Variants in SMCP observed in about 807,000 individuals in gnomAD.
The protein encoded by SMCP is sperm mitochondria associated cysteine rich protein, also known as sperm mitochondrial-associated cysteine-rich protein.
For synonymous variants in SMCP, 41 were observed against 46.9 expected (o/e 0.87, Z 0.51); for missense variants, 137 against 137.1 (o/e 1.00, Z 0.01).
intron 1 of SMCP, among the ~76,000 whole-genome samples, 170 bp downstream of exon 1, chr1:152,878,616 T>G (rs1386927337): frequency 1.3e-5 from 2 of 152,180 alleles, no homozygotes; most frequent in Non-Finnish European, 1.5e-5. Flanking sequence ...TGCTTCTATT[T>G]AAGAGGAAGA....
intron 1 of SMCP, among the ~76,000 whole-genome samples, chr1:152,883,817 A>G (rs1328996119): frequency 1.3e-5 from 2 of 152,194 alleles, no homozygotes; most frequent in African/African-American, 4.8e-5. Context: ...TGCTCCGTGC[A>G]TGGGACAAAA....
rs1450799365 is a variant in SMCP at position 152,884,550 on chromosome 1, G to T, written c.128G>T (p.Cys43Phe). The part of the protein sequence containing the change: ...QCCPPKQNQC[C>F]QPKGSQCCPP... ...TGCCCACCAAAACAGAACCAGTGCT[G>T]CCAGCCAAAAGGCAGTCAATGCTGC... The change falls in exon 2 of 2, where the codon TGC becomes TTC. Residue 43 changes from cysteine to phenylalanine, a missense_variant. Transcript: ENST00000368765. 6.2e-7 allele frequency: 1 copy of T among 1,614,050 alleles called. No homozygotes were observed. The highest frequency in any genetic ancestry group is 8.5e-7 in the Non-Finnish European group (1 of 1,180,004).
chr1:152,884,851 C>A lies in SMCP; in HGVS notation c.*78C>A. The A allele has an allele frequency of 1.6e-6, 2 of 1,277,654 alleles. No homozygotes were observed. Among genetic ancestry groups the A allele is most frequent in the Non-Finnish European group, 2.2e-6 (2 of 912,384 alleles). 79.1% of individuals were successfully genotyped at this position (1,277,654 alleles called of 1,614,324 possible). On this transcript the variant is annotated 3_prime_UTR_variant, in exon 2 of 2. Coordinates refer to ENST00000368765, the MANE Select transcript of SMCP (RefSeq NM_030663.3). ...TGTAGGGTGGGGGATTACTGAGAGT[C>A]AGGCTAGACCTGTGTTTAGAGAAGC...
At position 152,884,466 on chromosome 1, in the gene SMCP, G is replaced by A. The variant is rs1412639570; in HGVS notation, c.44G>A (p.Gly15Asp). 6.8e-6 allele frequency: 11 copies of A among 1,613,828 alleles called. No individual in the cohort carries two copies. The highest frequency in any genetic ancestry group is 2.7e-5 in the African/African-American group (2 of 74,884). The change falls in exon 2 of 2, where the codon GGC becomes GAC. Residue 15 changes from glycine to aspartate, a missense_variant. Gly to Asp is a moderately conservative substitution (Grantham distance 94, BLOSUM62 -1). Transcript: ENST00000368765. Reference protein sequence around the residue: ...TKHSKCCPAKGNQCCPPQQNQ... With the variant: ...TKHSKCCPAKDNQCCPPQQNQ... ...CACAGTAAATGCTGCCCAGCAAAAG[G>A]CAATCAATGCTGCCCACCACAGCAG...
chr1:152,879,491 G>A (rs1201144496), intron 1 of SMCP, among the ~76,000 whole-genome samples: 2 of 152,146 alleles, frequency 1.3e-5, no homozygotes, highest in East Asian at 1.9e-4. Context: ...AAAGCGCTGG[G>A]ACAACAGGTG....
intron 1 of SMCP, among the ~76,000 whole-genome samples, chr1:152,880,465 C>T (rs913403242): frequency 1.3e-5 from 2 of 152,176 alleles, no homozygotes; most frequent in African/African-American, 2.4e-5. Flanking sequence ...TATTTTTATA[C>T]TGGTCTGTCT....
chr1:152,879,198 G>T (rs957956751), intron 1 of SMCP, among the ~76,000 whole-genome samples: 6 of 152,098 alleles, frequency 3.9e-5, no homozygotes, highest in Non-Finnish European at 8.8e-5. Context: ...AGCTTGGAGA[G>T]AATATTTATT....
At chr1:152,879,441 A>C (rs1485914794) in intron 1 of SMCP, among the ~76,000 whole-genome samples, 2 of 152,128 alleles carry the variant, frequency 1.3e-5, no homozygotes, top group Non-Finnish European at 2.9e-5. Flanking sequence ...GGCTGGTCTC[A>C]AACTCCTGAC....
At chr1:152,881,838 C>A (rs1296945945) in intron 1 of SMCP, among the ~76,000 whole-genome samples, 9 of 152,140 alleles carry the variant, frequency 5.9e-5, no homozygotes, top group Admixed American at 1.3e-4. Context: ...ACCTTCTTCA[C>A]ATAGTGGTGG....
chr1:152,884,501 T>C lies in SMCP; in HGVS notation c.79T>C (p.Cys27Arg), dbSNP rs141605975. The change falls in exon 2 of 2, where the codon TGC becomes CGC. Residue 27 changes from cysteine (C) to arginine (R), a missense_variant. Transcript: ENST00000368765. Reference protein sequence around the residue: ...QCCPPQQNQCCQSKGNQCCPP... With the variant: ...QCCPPQQNQCRQSKGNQCCPP... Reference sequence around the variant, plus strand: ...CTGCCCACCACAGCAGAACCAGTGCTGCCAGTCAAAAGGCAATCAATGCTG... The same window carrying C: ...CTGCCCACCACAGCAGAACCAGTGCCGCCAGTCAAAAGGCAATCAATGCTG... 2.1e-5 allele frequency: 34 copies of C among 1,613,838 alleles called. No homozygotes were observed. Among genetic ancestry groups the C allele is most frequent in the Non-Finnish European group, 2.6e-5 (31 of 1,179,912 alleles).
Position 152,884,802 on chromosome 1 carries a change from T to C in SMCP, c.*29T>C, listed in dbSNP as rs1553209426. The C allele has an allele frequency of 6.3e-7, 1 of 1,585,472 alleles. No individual in the cohort carries two copies. Among genetic ancestry groups the C allele is most frequent in the Non-Finnish European group, 8.6e-7 (1 of 1,157,302 alleles). ...CAGAAGAAGTCAAACAAAGAAGAAG[T>C]CCCTGGGGCCATGCCTTTCACTTTG... On this transcript the variant is annotated 3_prime_UTR_variant, in exon 2 of 2. Transcript: ENST00000368765.
intron 1 of SMCP, among the ~76,000 whole-genome samples, chr1:152,880,420 A>G (rs767738293): frequency 7.2e-5 from 11 of 152,186 alleles, no homozygotes; most frequent in Admixed American, 5.2e-4. Flanking sequence ...CAAAGGTGGT[A>G]GAGAACATGG....
In SMCP at chr1:152,884,823, C is replaced by T; in HGVS notation, c.*50C>T. 2 of 1,516,380 alleles carry T rather than the reference C, an allele frequency of 1.3e-6. No homozygotes were observed. Among genetic ancestry groups the T allele is most frequent in the South Asian group, 1.2e-5 (1 of 84,166 alleles). 93.9% of individuals were successfully genotyped at this position (1,516,380 alleles called of 1,614,324 possible). A position where few individuals can be genotyped will look rare whatever the true frequency, so the allele number is the denominator to read the frequency against. On this transcript the variant is annotated 3_prime_UTR_variant, in exon 2 of 2. Coordinates refer to ENST00000368765, the MANE Select transcript of SMCP (RefSeq NM_030663.3). ...GAAGTCCCTGGGGCCATGCCTTTCA[C>T]TTTGTAGGGTGGGGGATTACTGAGA...
chr1:152,884,268 G>T, intron 1 of SMCP, 135 bp from the exon 2 acceptor site: 1 of 764,454 alleles, frequency 1.3e-6, no homozygotes, highest in African/African-American at 1.8e-5. Flanking sequence ...CCTCTCTGAG[G>T]GATCCAGCTC....
At chr1:152,883,711 C>T (rs1050699718) in intron 1 of SMCP, among the ~76,000 whole-genome samples, 5 of 152,174 alleles carry the variant, frequency 3.3e-5, no homozygotes, top group Admixed American at 2.6e-4. Context: ...TGCACAATCC[C>T]TTAGGCTTGG....
intron 1 of SMCP, among the ~76,000 whole-genome samples, chr1:152,882,522 C>T (rs1417686347): frequency 6.6e-6 from 1 of 152,202 alleles, no homozygotes; most frequent in Non-Finnish European, 1.5e-5. Flanking sequence ...GAGCTATTCA[C>T]ACTGGCTCTA....
Position 152,878,406 on chromosome 1 carries a change from T to G in SMCP, c.-61T>G, listed in dbSNP as rs1648935455. ...ACCTACTGGAATCAGTCATGAGAAG[T>G]CAAGCATGGAAATTGTGAATTGTGT... On this transcript the variant is annotated 5_prime_UTR_variant, in exon 1 of 2. Coordinates refer to ENST00000368765, the MANE Select transcript of SMCP (RefSeq NM_030663.3). 1 of 152,586 alleles carries G rather than the reference T, an allele frequency of 6.6e-6. No homozygotes were observed. Among genetic ancestry groups the G allele is most frequent in the Non-Finnish European group, 1.5e-5 (1 of 68,046 alleles). 9.5% of individuals were successfully genotyped at this position (152,586 alleles called of 1,614,324 possible). A position where few individuals can be genotyped will look rare whatever the true frequency, so the allele number is the denominator to read the frequency against.
At chr1:152,879,616 A>G (rs973095441) in intron 1 of SMCP, among the ~76,000 whole-genome samples, 1 of 152,196 alleles carries the variant, frequency 6.6e-6, no homozygotes, top group African/African-American at 2.4e-5. Flanking sequence ...AGTGGAGGAT[A>G]TAGATACTAT....
intron 1 of SMCP, among the ~76,000 whole-genome samples, chr1:152,883,084 C>T (rs1649106697): frequency 6.6e-6 from 1 of 152,140 alleles, no homozygotes; most frequent in Admixed American, 6.6e-5. Flanking sequence ...CTAATTTGGG[C>T]CAGAGGCTTT....
Sources: allele counts gnomAD v4.1 joint callset (sites outside exome capture counted in the v4.1 genomes callset), GRCh38; gene constraint gnomAD v4.1.1; transcripts MANE v1.5; gene names NCBI Gene and HGNC (gene_info 2026-07-23, HGNC 2026-07-21).